Variants in SCGB2B2 observed in about 807,000 individuals in gnomAD.
SCGB2B2 encodes secretoglobin-like protein.
In SCGB2B2, 11 loss-of-function variants were observed where a neutral mutation model predicts 7.6. That is an observed-to-expected ratio of 1.45 (90% confidence interval 0.91 to 2.40). SCGB2B2 has a LOEUF of 2.40. Among genes scored for constraint, SCGB2B2 ranks in the 30% most tolerant of loss-of-function variants. The pLI, the probability that SCGB2B2 is intolerant of heterozygous loss-of-function variation, is 0.00. For missense variants in SCGB2B2, 104 were observed against 115.4 expected, an observed-to-expected ratio of 0.90 and a Z score of 0.45; for synonymous variants, 50 against 48.6, an observed-to-expected ratio of 1.03 and a Z score of -0.12.
chr19:34,587,079 T>G (rs1055425876), downstream of SCGB2B2, among the ~76,000 whole-genome samples: 1 of 152,066 alleles, frequency 6.6e-6, no homozygotes, highest in African/African-American at 2.4e-5. Flanking sequence ...GGCTAATTTT[T>G]TGTATTTTTA....
At chr19:34,609,303 T>C (rs1217367482) in intron 1 of SCGB2B2, among the ~76,000 whole-genome samples, 1 of 152,160 alleles carries the variant, frequency 6.6e-6, no homozygotes. Context: ...TCATTTCCTT[T>C]GCTGTGCCGA....
intron 1 of SCGB2B2, chr19:34,646,143 T>C (rs539696608): frequency 1.7e-3 from 282 of 167,886 alleles, no homozygotes; most frequent in African/African-American, 6.4e-3. Context: ...TTACCTTCCC[T>C]TCCTGCTTGC....
rs2065384019 is a variant in SCGB2B2 at position 34,594,371 on chromosome 19, G to A, written c.62-12C>T. The A allele has an allele frequency of 1.2e-6, 2 of 1,612,524 alleles. No homozygotes were observed. The highest frequency in any genetic ancestry group is 1.7e-6 in the Non-Finnish European group (2 of 1,178,820). ...CAGGCAGGCATCCCCTGTGGAGGAT[G>A]AGGTGAGATAAGAAAACAGAGGAGG... On this transcript the variant is annotated splice_polypyrimidine_tract_variant and intron_variant, in intron 2 of 3. Transcript: ENST00000601241.
intron 1 of SCGB2B2, among the ~76,000 whole-genome samples, chr19:34,664,495 G>T (rs1215232546): frequency 6.6e-6 from 1 of 152,192 alleles, no homozygotes; most frequent in Non-Finnish European, 1.5e-5. Flanking sequence ...TCAAGGCCAG[G>T]TGCCTGTGCC....
At chr19:34,623,553 G>T (rs182982916) in intron 1 of SCGB2B2, among the ~76,000 whole-genome samples, 5 of 152,286 alleles carry the variant, frequency 3.3e-5, no homozygotes, top group African/African-American at 1.2e-4. Context: ...CTAGTCAGCA[G>T]GAGTAGTCAT....
At chr19:34,646,921 T>A (rs1040927699) in intron 1 of SCGB2B2, 4 of 152,224 alleles carry the variant, frequency 2.6e-5, no homozygotes, top group African/African-American at 9.7e-5. Context: ...TGTACACATG[T>A]GTGTTTTCTG....
At chr19:34,627,679 C>A (rs2066416801) in intron 1 of SCGB2B2, among the ~76,000 whole-genome samples, 2 of 152,118 alleles carry the variant, frequency 1.3e-5, no homozygotes, top group African/African-American at 4.8e-5. Flanking sequence ...GAGACTTTAA[C>A]AAACATCCCA....
At chr19:34,660,754 C>T (rs558121449) in intron 1 of SCGB2B2, among the ~76,000 whole-genome samples, 43 of 152,264 alleles carry the variant, frequency 2.8e-4, no homozygotes, top group African/African-American at 1.0e-3. Flanking sequence ...TACCATTTGA[C>T]CCAGCGATCC....
At chr19:34,670,396 A>G (rs1270410444) in intron 1 of SCGB2B2, among the ~76,000 whole-genome samples, 2 of 152,218 alleles carry the variant, frequency 1.3e-5, no homozygotes, top group African/African-American at 4.8e-5. Flanking sequence ...CCATATCCTC[A>G]CCAACACTTG....
At chr19:34,639,006 T>C (rs189862216) in intron 1 of SCGB2B2, among the ~76,000 whole-genome samples, 17 of 152,340 alleles carry the variant, frequency 1.1e-4, no homozygotes, top group Non-Finnish European at 2.1e-4. Flanking sequence ...GCATCTTACA[T>C]ATGTACAGCT....
intron 1 of SCGB2B2, among the ~76,000 whole-genome samples, chr19:34,666,520 G>A (rs1008142961): frequency 1.3e-5 from 2 of 152,056 alleles, no homozygotes; most frequent in Non-Finnish European, 2.9e-5. Context: ...CGGACAGGAA[G>A]GGGGCGGGTA....
At chr19:34,606,859 T>C (rs747391198) in intron 1 of SCGB2B2, among the ~76,000 whole-genome samples, 3 of 152,040 alleles carry the variant, frequency 2.0e-5, no homozygotes, top group Non-Finnish European at 2.9e-5. Context: ...GGTTCAGTAC[T>C]ATGCATAGGT....
At chr19:34,632,711 C>T (rs1181722200) in intron 1 of SCGB2B2, 1 of 152,212 alleles carries the variant, frequency 6.6e-6, no homozygotes, top group African/African-American at 2.4e-5. Context: ...GGTAAACATC[C>T]ACTTACCCTG....
At chr19:34,645,734 G>A (rs2066992768) in intron 1 of SCGB2B2, 1 of 390,538 alleles carries the variant, frequency 2.6e-6, no homozygotes, top group Non-Finnish European at 5.2e-6. Context: ...TGAGAAAGAA[G>A]CGGGCAGGGC....
At chr19:34,631,183 G>A (rs1268293023) in intron 1 of SCGB2B2, among the ~76,000 whole-genome samples, 8 of 152,026 alleles carry the variant, frequency 5.3e-5, no homozygotes, top group Non-Finnish European at 7.4e-5. Flanking sequence ...GTTAACGGGT[G>A]CAGCACACCA....
At chr19:34,597,683 G>A (rs897204523) in intron 1 of SCGB2B2, among the ~76,000 whole-genome samples, 10 of 152,170 alleles carry the variant, frequency 6.6e-5, no homozygotes, top group African/African-American at 1.2e-4. Flanking sequence ...CAGGAGGGAC[G>A]CGAGGCCTTC....
At chr19:34,607,434 CTATTGATGT>C (rs1252916017) in intron 1 of SCGB2B2, among the ~76,000 whole-genome samples, 4 of 152,114 alleles carry the variant, frequency 2.6e-5, no homozygotes, top group Admixed American at 2.0e-4. Context: ...GGGTGCCTAT[CTATTGATGT>C]TATTTCCTTT....
At chr19:34,599,847 C>T (rs2065572347) in intron 1 of SCGB2B2, among the ~76,000 whole-genome samples, 1 of 152,116 alleles carries the variant, frequency 6.6e-6, no homozygotes, top group African/African-American at 2.4e-5. Flanking sequence ...CCCTCCTCCC[C>T]TGACCTCTAA....
rs111303161 is a variant in SCGB2B2, at chr19:34,666,407, C to T, written c.-2032+9223G>A. Among the ~76,000 whole-genome samples, 1,254 of 152,304 alleles carry T rather than the reference C, an allele frequency of 8.2e-3. 17 individuals carry two copies. Among genetic ancestry groups the T allele is most frequent in the African/African-American group, 0.029 (1,202 of 41,564 alleles). On this transcript the variant is annotated intron_variant, in intron 1 of 3. Transcript: ENST00000601241. The stretch of plus-strand genomic sequence containing the variant: ...AATCCCATTCTCACACATGTGCACC[C>T]AAGCCTCTCGCCCCACATACAATGT...
Sources: gnomAD v4.1 joint callset for allele counts (sites outside exome capture counted in the v4.1 genomes callset) on GRCh38, gnomAD v4.1.1 for gene constraint, MANE v1.5 for transcripts, NCBI Gene and HGNC (gene_info 2026-07-23, HGNC 2026-07-21) for gene names.